The following ANXA6 variants were observed in gnomAD, a reference collection of about 807,000 sequenced individuals.
ANXA6 encodes the protein annexin A6, also known as 67 kDa calelectrin.
ANXA6 carries 71 observed loss-of-function variants against 95.4 expected under a neutral mutation model. That is an observed-to-expected ratio of 0.74 (90% CI 0.61 to 0.91). ANXA6 has a LOEUF of 0.91. Ranked by LOEUF, ANXA6 falls within the 40% of genes least tolerant of loss-of-function variation. The probability of loss-of-function intolerance (pLI) is 0.00; values close to 1 mark genes in which losing one functional copy is unlikely to be tolerated. For synonymous variants in ANXA6, 289 were observed against 315.9 expected (o/e 0.91, Z 0.90); for missense variants, 830 against 876.4 (o/e 0.95, Z 0.67).
chr5:151,138,926 G>C, intron 4 of ANXA6, 135 bp from the exon 5 acceptor site: 2 of 678,028 alleles, frequency 2.9e-6, no homozygotes, highest in South Asian at 3.4e-5. Flanking sequence ...ACCCTTGGAG[G>C]TATGTACTGT....
chr5:151,115,705 G>C (rs1485691078), intron 20 of ANXA6, among the ~76,000 whole-genome samples: 1 of 152,238 alleles, frequency 6.6e-6, no homozygotes, highest in African/African-American at 2.4e-5. Context: ...AGCCACCCTA[G>C]TGTCTGGCTG....
intron 7 of ANXA6, 28 bp downstream of exon 7, chr5:151,136,228 A>G (rs1284998602): frequency 6.2e-7 from 1 of 1,611,624 alleles, no homozygotes; most frequent in Non-Finnish European, 8.5e-7. Flanking sequence ...CCCAAGCTCC[A>G]GAGGAAAAAA....
intron 1 of ANXA6, among the ~76,000 whole-genome samples, chr5:151,150,315 T>C (rs1337208027): frequency 6.6e-6 from 1 of 152,060 alleles, no homozygotes; most frequent in African/African-American, 2.4e-5. Flanking sequence ...CATTTTTGAG[T>C]TCAAGGTGAT....
At chr5:151,143,976 G>A (rs1488006856) in intron 2 of ANXA6, among the ~76,000 whole-genome samples, 4 of 152,132 alleles carry the variant, frequency 2.6e-5, no homozygotes, top group Non-Finnish European at 5.9e-5. Flanking sequence ...AGGGGCATTC[G>A]GGAAAGCCAG....
At chr5:151,147,852 A>G in intron 2 of ANXA6, 32 bp downstream of exon 2, 1 of 1,588,132 alleles carries the variant, frequency 6.3e-7, no homozygotes, top group South Asian at 1.2e-5. Flanking sequence ...GAGAAGGCTG[A>G]GTACCACCTT....
chr5:151,108,767 C>T (rs1343840744), intron 22 of ANXA6, among the ~76,000 whole-genome samples: 1 of 152,236 alleles, frequency 6.6e-6, no homozygotes, highest in East Asian at 1.9e-4. Context: ...CCAAATCTGT[C>T]CCACGCCAGT....
intron 2 of ANXA6, chr5:151,140,478 T>C: frequency 2.0e-6 from 1 of 506,006 alleles, no homozygotes. Flanking sequence ...GGCCAAGGCC[T>C]GCAGCCCTGC....
At position 151,140,168 on chromosome 5, in the gene ANXA6, C is replaced by A; in HGVS notation, c.94G>T (p.Ala32Ser). Residue 32 changes from alanine to serine, a missense_variant, in exon 3 of 26, where the codon GCC (alanine) becomes TCC (serine). Coordinates refer to ENST00000354546, the MANE Select transcript of ANXA6 (RefSeq NM_001155.5). ...PNQDAEALYT[A>S]MKGFGSDKEA... is the part of the protein sequence containing the mutation. ...TGGCACCCACCAAAGCCCTTCATGG[C>A]AGTGTACAGAGCCTCGGCATCCTGG... 1 of 1,613,944 alleles carries A rather than the reference C, an allele frequency of 6.2e-7. No homozygotes were observed. Among genetic ancestry groups the A allele is most frequent in the Non-Finnish European group, 8.5e-7 (1 of 1,179,856 alleles).
chr5:151,120,218 T>G (rs1433596813), intron 17 of ANXA6, among the ~76,000 whole-genome samples: 1 of 152,090 alleles, frequency 6.6e-6, no homozygotes, highest in Non-Finnish European at 1.5e-5. Flanking sequence ...TTACATGCCC[T>G]GGACTAAGGC....
Position 151,141,855 on chromosome 5 carries a change from G to A in ANXA6, c.19-1612C>T, listed in dbSNP as rs549820342. 2.9e-4 allele frequency among the ~76,000 whole-genome samples: 44 copies of A among 152,320 alleles called. No homozygotes were observed. In the East Asian group the frequency reaches 7.3e-3, roughly 25 times the overall value. On this transcript the variant is annotated intron_variant, in intron 2 of 25. Transcript: ENST00000354546. ...GCGCCTTGCAAGGAGCTCAGTGAGC[G>A]CAGGATGGGGGCTTTACTGCCAGCG...
intron 7 of ANXA6, 71 bp downstream of exon 7, chr5:151,136,185 G>T: frequency 6.8e-7 from 1 of 1,477,128 alleles, no homozygotes; most frequent in South Asian, 1.2e-5. Flanking sequence ...TGGACATTCA[G>T]ATCTACACCC....
chr5:151,108,640 G>A (rs1228141163), intron 22 of ANXA6, 90 bp from the exon 23 acceptor site: 2 of 1,109,714 alleles, frequency 1.8e-6, no homozygotes, highest in African/African-American at 1.5e-5. Flanking sequence ...GCCTCCCACA[G>A]GCTGTGCCTG....
intron 1 of ANXA6, among the ~76,000 whole-genome samples, chr5:151,148,311 C>T (rs993103226): frequency 7.9e-5 from 12 of 152,136 alleles, no homozygotes; most frequent in Non-Finnish European, 1.3e-4. Context: ...GCTGGAGCAT[C>T]GCAATAAATG....
intron 7 of ANXA6, among the ~76,000 whole-genome samples, chr5:151,135,634 G>A (rs1047867369): frequency 2.0e-5 from 3 of 152,254 alleles, no homozygotes; most frequent in Middle Eastern, 3.4e-3. Context: ...ACGGTGAAAC[G>A]GGCAGGACGC....
At chr5:151,111,244 A>T (rs7724316) in intron 20 of ANXA6, among the ~76,000 whole-genome samples, 7 of 151,998 alleles carry the variant, frequency 4.6e-5, no homozygotes, top group African/African-American at 1.7e-4. Context: ...TATGCAGAGC[A>T]CAAAATTCTG....
chr5:151,141,779 G>A (rs183483570), intron 2 of ANXA6: 83 of 922,042 alleles, frequency 9.0e-5, no homozygotes, highest in Middle Eastern at 5.6e-4. Context: ...ACCTGATCAC[G>A]CCCCTGGGCA....
intron 17 of ANXA6, among the ~76,000 whole-genome samples, chr5:151,121,250 G>A (rs891623794): frequency 1.3e-5 from 2 of 152,152 alleles, no homozygotes; most frequent in African/African-American, 2.4e-5. Flanking sequence ...ATAGCTCTAT[G>A]ACCATGACCA....
Position 151,101,238 on chromosome 5 carries a change from G to A in ANXA6, c.*210C>T, listed in dbSNP as rs1408517434. On this transcript the variant is annotated 3_prime_UTR_variant, in exon 26 of 26. Coordinates refer to ENST00000354546, the MANE Select transcript of ANXA6 (RefSeq NM_001155.5). ...GGAGGTGGACAGGATCTATGGCTAC[G>A]GTTTTTCAGCCGCTCAGCCGTGCTG... The A allele has an allele frequency of 2.6e-5, 16 of 621,982 alleles. No individual in the cohort carries two copies. The highest frequency in any genetic ancestry group is 8.7e-4 in the Middle Eastern group (2 of 2,288). 38.5% of individuals were successfully genotyped at this position (621,982 alleles called of 1,614,324 possible).
At chr5:151,124,172 C>G (rs1468411261) in intron 15 of ANXA6, 114 bp downstream of exon 15, 2 of 879,948 alleles carry the variant, frequency 2.3e-6, no homozygotes, top group African/African-American at 3.3e-5. Flanking sequence ...TCAAGCCTTC[C>G]TCATCCTGCA....
Sources: gnomAD v4.1 joint callset for allele counts (sites outside exome capture counted in the v4.1 genomes callset) on GRCh38, gnomAD v4.1.1 for gene constraint, MANE v1.5 for transcripts, NCBI Gene and HGNC (gene_info 2026-07-23, HGNC 2026-07-21) for gene names.